Variants in SLC41A3 observed in about 807,000 individuals in gnomAD.
SLC41A3 encodes the protein solute carrier family 41 member 3.
SLC41A3 carries 44 observed loss-of-function variants against 45.4 expected under a neutral mutation model. That is an observed-to-expected ratio of 0.97 (90% CI 0.76 to 1.25). The LOEUF (loss-of-function observed/expected upper bound fraction) is 1.25. Among genes scored for constraint, SLC41A3 ranks in the 50% most tolerant of loss-of-function variants. SLC41A3 has a pLI of 0.00. For missense variants in SLC41A3, 550 were observed against 600.6 expected (o/e 0.92, Z 0.88); for synonymous variants, 256 against 252.4 (o/e 1.01, Z -0.13).
intron 2 of SLC41A3, among the ~76,000 whole-genome samples, chr3:126,054,654 T>G (rs1469464916): frequency 3.1e-5 from 4 of 129,724 alleles, no homozygotes; most frequent in Non-Finnish European, 6.8e-5. Flanking sequence ...TGGAAATTGC[T>G]ACATTACCTT....
chr3:126,088,367 T>G (rs1945433700), upstream of SLC41A3, among the ~76,000 whole-genome samples: 2 of 152,182 alleles, frequency 1.3e-5, no homozygotes, highest in Non-Finnish European at 2.9e-5. Flanking sequence ...GTAAAAGTAA[T>G]TTGGCAAATT....
intron 2 of SLC41A3, among the ~76,000 whole-genome samples, chr3:126,061,395 C>CA (rs1944059183): frequency 6.6e-6 from 1 of 152,202 alleles, no homozygotes; most frequent in South Asian, 2.1e-4. Context: ...GCCTCCCCTG[C>CA]AACACCTCCT....
intron 1 of SLC41A3, chr3:126,101,303 A>G (rs1945704990): frequency 6.6e-6 from 1 of 152,290 alleles, no homozygotes; most frequent in African/African-American, 2.4e-5. Flanking sequence ...AGTGCAAAGT[A>G]TGCTGGGAAA....
At chr3:126,072,989 A>G (rs1944697758) in intron 1 of SLC41A3, among the ~76,000 whole-genome samples, 1 of 152,258 alleles carries the variant, frequency 6.6e-6, no homozygotes, top group Non-Finnish European at 1.5e-5. Flanking sequence ...ACTGGAGGCC[A>G]TAATCCTAAA....
intron 3 of SLC41A3, among the ~76,000 whole-genome samples, chr3:126,044,464 A>T (rs1262705605): frequency 1.3e-5 from 2 of 152,238 alleles, no homozygotes; most frequent in African/African-American, 4.8e-5. Flanking sequence ...ACTGGACCTA[A>T]AAGAAAATAT....
intron 2 of SLC41A3, among the ~76,000 whole-genome samples, chr3:126,059,241 A>AAGAG: frequency 4.8e-4 from 1 of 2,104 alleles, no homozygotes; most frequent in African/African-American, 6.3e-4. Context: ...AAGAGAAAGA[A>AAGAG]AGAAAGAAAG....
intron 1 of SLC41A3, among the ~76,000 whole-genome samples, chr3:126,094,993 A>C (rs1199965597): frequency 6.6e-6 from 1 of 152,250 alleles, no homozygotes; most frequent in Non-Finnish European, 1.5e-5. Flanking sequence ...TACACAATTG[A>C]ATCTAGCATT....
At chr3:126,013,088 G>A (rs990651138) in intron 8 of SLC41A3, among the ~76,000 whole-genome samples, 1 of 152,204 alleles carries the variant, frequency 6.6e-6, no homozygotes, top group Non-Finnish European at 1.5e-5. Context: ...AGGATGAGGG[G>A]AGAGTGGATA....
In SLC41A3 at chr3:126,007,121, G is replaced by C. The variant is rs777699745; in HGVS notation, c.1359C>G (p.Asp453Glu). The C allele has an allele frequency of 6.8e-6, 11 of 1,614,112 alleles. No individual in the cohort carries two copies. Among genetic ancestry groups the C allele is most frequent in the Non-Finnish European group, 9.3e-6 (11 of 1,180,046 alleles). The change falls in exon 11 of 11, where the codon GAC becomes GAG. Residue 453 changes from aspartate (D) to glutamate (E), a missense_variant. Transcript: ENST00000360370. Reference sequence around the variant, plus strand: ...GTGCCAGGAGGCCAGTACCGAGCAGGTCCCCCAGCCCTGTAAGGTAGGGGA... The same window carrying C: ...GTGCCAGGAGGCCAGTACCGAGCAGCTCCCCCAGCCCTGTAAGGTAGGGGA... ...HCIPYLTGLGDLLGTGLLALC... is the reference protein window; with the variant it reads ...HCIPYLTGLGELLGTGLLALC...
Position 126,026,626 on chromosome 3 carries a change from C to G in SLC41A3, c.454-147G>C. The G allele has an allele frequency of 9.1e-7, 1 of 1,094,074 alleles. No individual in the cohort carries two copies. Among genetic ancestry groups the G allele is most frequent in the South Asian group, 1.6e-5 (1 of 61,678 alleles). The allele number at this position is 1,094,074 out of a possible 1,614,324, so 67.8% of individuals were successfully genotyped here. A position where few individuals can be genotyped will look rare whatever the true frequency, so the allele number is the denominator to read the frequency against. ...CCCTAAAATCTCACAGGCCCTCACC[C>G]CAGGAAAAACTAATACCACACCCCA... On this transcript the variant is annotated intron_variant, in intron 4 of 10. Coordinates refer to ENST00000360370, the MANE Select transcript of SLC41A3 (RefSeq NM_017836.4). This position sits in a 1 kb window ranked among gnomAD's most constrained non-coding sequence, Gnocchi z 4.2.
At chr3:126,031,471 G>C (rs115719443) in intron 4 of SLC41A3, among the ~76,000 whole-genome samples, 2,074 of 152,288 alleles carry the variant, frequency 0.014, 46 homozygotes, top group African/African-American at 0.047. Flanking sequence ...GGTGCTGAGT[G>C]GACTCCCAGG....
In SLC41A3 at chr3:126,007,133, T is replaced by A. The variant is rs1405533335; in HGVS notation, c.1347A>T (p.Thr449=). ...CAGTACCGAGCAGGTCCCCCAGCCCTGTAAGGTAGGGGATGCAGTGGTTGT... is the reference window on the plus strand; with the variant it reads ...CAGTACCGAGCAGGTCCCCCAGCCCAGTAAGGTAGGGGATGCAGTGGTTGT... ...DPDNHCIPYL[T]GLGDLLGTGL... is the part of the protein sequence containing the mutation. Residue 449 remains threonine, a synonymous_variant, in exon 11 of 11, where the codon ACA becomes ACT. Coordinates refer to ENST00000360370, the MANE Select transcript of SLC41A3 (RefSeq NM_017836.4). 1 of 1,613,982 alleles carries A rather than the reference T, an allele frequency of 6.2e-7. No homozygotes were observed. The highest frequency in any genetic ancestry group is 8.5e-7 in the Non-Finnish European group (1 of 1,180,028).
At chr3:126,078,134 C>T (rs1341015793) in intron 1 of SLC41A3, among the ~76,000 whole-genome samples, 4 of 152,152 alleles carry the variant, frequency 2.6e-5, no homozygotes, top group African/African-American at 9.7e-5. Flanking sequence ...ACTCTCCACC[C>T]CACTCCCACA....
intron 2 of SLC41A3, among the ~76,000 whole-genome samples, chr3:126,067,180 C>T (rs570823391): frequency 1.4e-5 from 2 of 145,574 alleles, no homozygotes; most frequent in African/African-American, 5.1e-5. Context: ...ATGCTCTTTA[C>T]CCAGCAATTC....
intron 7 of SLC41A3, among the ~76,000 whole-genome samples, chr3:126,016,022 T>C (rs561838537): frequency 5.3e-5 from 8 of 152,328 alleles, no homozygotes; most frequent in African/African-American, 1.9e-4. Context: ...TTCCCACCCC[T>C]TGGGACTTCT....
At chr3:126,009,617 A>G (rs544422150) in intron 9 of SLC41A3, among the ~76,000 whole-genome samples, 6 of 152,262 alleles carry the variant, frequency 3.9e-5, no homozygotes, top group Non-Finnish European at 7.3e-5. Context: ...CTGAGTTAAT[A>G]TATGTATTTC....
intron 1 of SLC41A3, among the ~76,000 whole-genome samples, chr3:126,098,582 A>G (rs948074903): frequency 5.9e-5 from 9 of 152,240 alleles, no homozygotes; most frequent in African/African-American, 2.2e-4. Flanking sequence ...AAGGATTCCC[A>G]GCTCCCAGAT....
chr3:126,029,787 G>A (rs1299565052), intron 4 of SLC41A3, among the ~76,000 whole-genome samples: 2 of 152,194 alleles, frequency 1.3e-5, no homozygotes, highest in African/African-American at 2.4e-5. Flanking sequence ...CATGATCAAA[G>A]TGTATTTTAA....
At chr3:126,014,207 T>C (rs930656215) in intron 8 of SLC41A3, among the ~76,000 whole-genome samples, 12 of 152,060 alleles carry the variant, frequency 7.9e-5, no homozygotes, top group Non-Finnish European at 1.5e-5. Flanking sequence ...CAAACAATTG[T>C]CTTCAGGCAG....
Sources: allele counts gnomAD v4.1 joint callset (sites outside exome capture counted in the v4.1 genomes callset), GRCh38; gene constraint gnomAD v4.1.1; non-coding constraint Gnocchi (gnomAD v3.1); transcripts MANE v1.5; gene names NCBI Gene and HGNC (gene_info 2026-07-23, HGNC 2026-07-21).